Variants in MUC6 observed in about 807,000 individuals in gnomAD.
The protein encoded by MUC6 is mucin-6.
In MUC6, 188 loss-of-function variants were observed where a neutral mutation model predicts 201.5. The ratio of observed to expected loss-of-function variants is 0.93; its 90% CI spans 0.83 to 1.05. The LOEUF (loss-of-function observed/expected upper bound fraction) is 1.05. MUC6 is among the 50% of genes least tolerant of loss of function. The pLI is 0.00. For missense variants in MUC6, 2,706 were observed against 3,256.9 expected (o/e 0.83, Z 4.12); for synonymous variants, 1,228 against 1,389.4 (o/e 0.88, Z 2.58).
chr11:1,032,947 C>G, intron 2 of MUC6, 66 bp downstream of exon 2: 1 of 1,450,754 alleles, frequency 6.9e-7, no homozygotes, highest in Non-Finnish European at 9.3e-7. Context: ...GGCTCCGGGC[C>G]CCTCTCTCCT....
At position 1,016,347 on chromosome 11, in the gene MUC6, G is replaced by A; in HGVS notation, c.6454C>T (p.Pro2152Ser). ...SSYVPSSHSS[P>S]QTSSPSVGTS... ...CCAACAGAAGGCGATGAAGTCTGGG[G>A]AGAGGAGTGGGAGGAGGGCACATAA... Residue 2152 changes from proline (P) to serine (S), a missense_variant, in exon 31 of 33, where the codon CCC (proline) becomes TCC (serine). Around this residue, in one of 10 missense-constraint regions of MUC6, gnomAD observed 586 missense variants for 488.0 expected, o/e 1.20. Transcript: ENST00000421673. 1 of 1,611,568 alleles carries A rather than the reference G, an allele frequency of 6.2e-7. No individual in the cohort carries two copies. Among genetic ancestry groups the A allele is most frequent in the Non-Finnish European group, 8.5e-7 (1 of 1,178,800 alleles).
Position 1,026,493 on chromosome 11 carries a change from G to C in MUC6, c.2395-15C>G. 1 of 1,568,550 alleles carries C rather than the reference G, an allele frequency of 6.4e-7. No homozygotes were observed. Among genetic ancestry groups the C allele is most frequent in the Non-Finnish European group, 8.6e-7 (1 of 1,158,598 alleles). On this transcript the variant is annotated splice_polypyrimidine_tract_variant and intron_variant, in intron 19 of 32. Transcript: ENST00000421673. ...TTGGTGGGCACCTGGAGGGAGGCAG[G>C]TCAGCAGCTCCTGGGAGGGTGGCCT...
intron 2 of MUC6, 28 bp downstream of exon 2, chr11:1,032,985 G>A: frequency 6.4e-7 from 1 of 1,562,558 alleles, no homozygotes. Context: ...GGTCTGGGCG[G>A]CAGGATCAGT....
At position 1,023,478 on chromosome 11, in the gene MUC6, G is replaced by A. The variant is rs1202924618; in HGVS notation, c.3526+31C>T. On this transcript the variant is annotated intron_variant, in intron 26 of 32. Coordinates refer to ENST00000421673, the MANE Select transcript of MUC6 (RefSeq NM_005961.3). ...TGAATGAGTGAATGGGTCCCCCTGT[G>A]TATCTGCGTTGCCTCCCGGTCACCT... is the stretch of plus-strand genomic sequence containing the variant. The A allele has an allele frequency of 2.6e-6, 4 of 1,552,128 alleles. No individual in the cohort carries two copies. In the Admixed American group the frequency reaches 7.8e-5, roughly 30 times the overall value.
intron 31 of MUC6, among the ~76,000 whole-genome samples, chr11:1,015,211 T>C (rs1856574920): frequency 1.6e-4 from 1 of 6,358 alleles, no homozygotes; most frequent in South Asian, 0.01. Context: ...CTCACAGGCA[T>C]GGGCCGGGAA....
intron 26 of MUC6, among the ~76,000 whole-genome samples, chr11:1,021,656 C>T (rs536196954): frequency 1.1e-4 from 17 of 152,210 alleles, no homozygotes; most frequent in African/African-American, 3.6e-4. Context: ...CAGTTTCACC[C>T]GCGCACCTTG....
rs372940893 is a variant in MUC6 at position 1,024,828 on chromosome 11, C to G, written c.3225+16G>C. On this transcript the variant is annotated intron_variant, in intron 24 of 32. Transcript: ENST00000421673. ...TGTGGAGGGGCAGGCGCACAGCCCT[C>G]GTGCCCGGTGCCCACCTTGCTGTGG... The G allele has an allele frequency of 6.2e-7, 1 of 1,604,386 alleles. No homozygotes were observed. The highest frequency in any genetic ancestry group is 2.2e-5 in the East Asian group (1 of 44,672).
rs765744612 is a variant in MUC6 at position 1,029,620 on chromosome 11, A to G, written c.1016-5T>C. On this transcript the variant is annotated splice_region_variant and splice_polypyrimidine_tract_variant and intron_variant, in intron 8 of 32. Coordinates refer to ENST00000421673, the MANE Select transcript of MUC6 (RefSeq NM_005961.3). Reference sequence around the variant, plus strand: ...AGAGGTCATTCAGGACCGTACCTGCAGGAGAGGGTCTTCTTGGGGCTTGGG... The same window carrying G: ...AGAGGTCATTCAGGACCGTACCTGCGGGAGAGGGTCTTCTTGGGGCTTGGG... The G allele has an allele frequency of 9.5e-6, 15 of 1,571,402 alleles. No individual in the cohort carries two copies. The East Asian group carries it at 2.9e-4, about 31-fold the overall frequency.
At chr11:1,026,214 C>G in intron 20 of MUC6, 73 bp from the exon 21 acceptor site, 1 of 1,529,668 alleles carries the variant, frequency 6.5e-7, no homozygotes, top group Non-Finnish European at 8.8e-7. Flanking sequence ...CTGGAGAGGC[C>G]AGACTGCACC....
chr11:1,036,546 C>T lies in MUC6; in HGVS notation c.52+58G>A, dbSNP rs1313547755. On this transcript the variant is annotated intron_variant, in intron 1 of 32. Coordinates refer to ENST00000421673, the MANE Select transcript of MUC6 (RefSeq NM_005961.3). ...CGAGGCGAGAAGGCCCAGAGACCCC[C>T]GCACACAGGGCCCCTCTGAGGGCAC... 35 of 1,537,164 alleles carry T rather than the reference C, an allele frequency of 2.3e-5. 1 individual carries two copies. Among genetic ancestry groups the T allele is most frequent in the Middle Eastern group, 3.4e-4 (2 of 5,864 alleles).
Position 1,031,073 on chromosome 11 carries a change from G to A in MUC6, c.575-17C>T. ...GGAACTTGCCTGGGGTGCAGAATGG[G>A]GGTCAGCACCGTGGGGGCTGGGCCT... On this transcript the variant is annotated splice_polypyrimidine_tract_variant and intron_variant, in intron 5 of 32. Transcript: ENST00000421673. 1.9e-6 allele frequency: 3 copies of A among 1,551,396 alleles called. No homozygotes were observed. Among genetic ancestry groups the A allele is most frequent in the Non-Finnish European group, 1.7e-6 (2 of 1,148,568 alleles).
At position 1,031,837 on chromosome 11, in the gene MUC6, G is replaced by C; in HGVS notation, c.332C>G (p.Ala111Gly). 3.1e-6 allele frequency: 5 copies of C among 1,610,766 alleles called. No individual in the cohort carries two copies. Among genetic ancestry groups the C allele is most frequent in the Non-Finnish European group, 4.2e-6 (5 of 1,179,180 alleles). The stretch of plus-strand genomic sequence containing the variant: ...CCCGATGTCCTTGACTGAGATGATG[G>C]CTTCGCTCACAGTGACGACGGAGGC... ...LGASVVTVSE[A>G]IISVKDIGVI... Residue 111 changes from alanine to glycine, a missense_variant, in exon 3 of 33, where the codon GCC (alanine) becomes GGC (glycine). Physicochemically the swap from Ala to Gly is moderately conservative, Grantham distance 60 (BLOSUM62 0). Around this residue, in one of 10 missense-constraint regions of MUC6, gnomAD observed 1,850 missense variants for 1,958.3 expected, o/e 0.94. Coordinates refer to ENST00000421673, the MANE Select transcript of MUC6 (RefSeq NM_005961.3).
At position 1,016,267 on chromosome 11, in the gene MUC6, C is replaced by T; in HGVS notation, c.6534G>A (p.Gly2178=). 1 of 1,612,926 alleles carries T rather than the reference C, an allele frequency of 6.2e-7. No homozygotes were observed. Among genetic ancestry groups the T allele is most frequent in the Non-Finnish European group, 8.5e-7 (1 of 1,179,660 alleles). Residue 2178 remains glycine, a synonymous_variant, in exon 31 of 33, where the codon GGG becomes GGA. Transcript: ENST00000421673. The stretch of plus-strand genomic sequence containing the variant: ...GATGAGTGGACAATGAGGAGTGTGA[C>T]CCCGAGCTCAGGGTTGTGGAGTGCA... ...APVHSTTLSS[G]SHSSLSTHPT...
At chr11:1,021,090 G>T in intron 27 of MUC6, 125 bp downstream of exon 27, 1 of 945,464 alleles carries the variant, frequency 1.1e-6, no homozygotes, top group Non-Finnish European at 1.5e-6. Context: ...GGAGAGTGGA[G>T]TCCCAGAGCT....
Position 1,027,208 on chromosome 11 carries a change from C to G in MUC6, c.2232-15G>C. On this transcript the variant is annotated splice_polypyrimidine_tract_variant and intron_variant, in intron 17 of 32. Transcript: ENST00000421673. ...TGATGCAGTGGCTGCAAGAGAGAGG[C>G]TGCGTGAGACCCCGGGACCTGGCAG... 2 of 1,612,276 alleles carry G rather than the reference C, an allele frequency of 1.2e-6. No homozygotes were observed. Among genetic ancestry groups the G allele is most frequent in the African/African-American group, 2.7e-5 (2 of 75,034 alleles).
rs2133836188 is a variant in MUC6, at chr11:1,031,591, G to A, written c.483+16C>T. 1.3e-6 allele frequency: 2 copies of A among 1,545,768 alleles called. No individual in the cohort carries two copies. ...GCTGCGGGTCTCCAGGCCCACCCTG[G>A]CCCTTCTCTCCTCACCATGAGGTGG... On this transcript the variant is annotated intron_variant, in intron 4 of 32. Transcript: ENST00000421673.
intron 31 of MUC6, among the ~76,000 whole-genome samples, chr11:1,014,418 A>G (rs371856116): frequency 6.6e-6 from 1 of 152,112 alleles, no homozygotes; most frequent in East Asian, 1.9e-4. Flanking sequence ...GTGACCCCAG[A>G]GCGGGACATA....
Position 1,019,627 on chromosome 11 carries a change from C to T in MUC6, c.3809-131G>A, listed in dbSNP as rs906171472. 6.1e-6 allele frequency: 5 copies of T among 816,706 alleles called. No homozygotes were observed. In the Admixed American group the frequency reaches 6.6e-5, roughly 11 times the overall value. The allele number at this position is 816,706 out of a possible 1,614,324, so 50.6% of individuals were successfully genotyped here. On this transcript the variant is annotated intron_variant, in intron 29 of 32. Coordinates refer to ENST00000421673, the MANE Select transcript of MUC6 (RefSeq NM_005961.3). ...GGGACTCAGCCTCCTTGGAGGGGCT[C>T]TTCCTCTTGCCTTTGTTAGGTCCTC...
chr11:1,031,787 C>A (rs1857111647), intron 3 of MUC6, 26 bp downstream of exon 3: 10 of 1,565,494 alleles, frequency 6.4e-6, no homozygotes, highest in Non-Finnish European at 8.7e-6. Context: ...CCCCCGAGCC[C>A]CCGGGCCCCG....
Sources: allele counts gnomAD v4.1 joint callset (sites outside exome capture counted in the v4.1 genomes callset), GRCh38; gene constraint gnomAD v4.1.1; regional missense constraint gnomAD v4.1.1; transcripts MANE v1.5; gene names NCBI Gene and HGNC (gene_info 2026-07-23, HGNC 2026-07-21).